Variants in CES5A observed in about 807,000 individuals in gnomAD.
CES5A encodes the protein carboxylesterase 5.
In CES5A, 67 loss-of-function variants were observed where a neutral mutation model predicts 62.9. That is an observed-to-expected ratio of 1.07 (90% CI 0.88 to 1.31). CES5A has a LOEUF of 1.31. CES5A is among the 50% of genes most tolerant of loss of function. The pLI, the probability that CES5A is intolerant of heterozygous loss-of-function variation, is 0.00. For synonymous variants in CES5A, 296 were observed against 280.8 expected (o/e 1.05, Z -0.54); for missense variants, 748 against 708.5 (o/e 1.06, Z -0.63).
At chr16:55,931,202 C>T (rs918454212) in intron 2 of CES5A, among the ~76,000 whole-genome samples, 1 of 152,222 alleles carries the variant, frequency 6.6e-6, no homozygotes, top group African/African-American at 2.4e-5. Flanking sequence ...AATGTCCAAA[C>T]TTCTCTACTG....
At chr16:55,954,529 A>T (rs1487862800) in intron 1 of CES5A, among the ~76,000 whole-genome samples, 1 of 152,182 alleles carries the variant, frequency 6.6e-6, no homozygotes, top group Non-Finnish European at 1.5e-5. Context: ...CACTTTTAAC[A>T]CAGTAACTTT....
chr16:55,907,383 G>A (rs1205260731), intron 1 of CES5A, among the ~76,000 whole-genome samples: 2 of 152,206 alleles, frequency 1.3e-5, no homozygotes, highest in Non-Finnish European at 2.9e-5. Flanking sequence ...CGTTCATGAA[G>A]CCACTGTATA....
chr16:55,920,257 A>T (rs1413273878), intron 1 of CES5A, among the ~76,000 whole-genome samples: 1 of 152,144 alleles, frequency 6.6e-6, no homozygotes, highest in Non-Finnish European at 1.5e-5. Context: ...CACTGTTTCT[A>T]CACTGCAAAA....
intron 1 of CES5A, among the ~76,000 whole-genome samples, chr16:55,904,271 C>G (rs1195132040): frequency 1.3e-5 from 2 of 152,216 alleles, no homozygotes; most frequent in Non-Finnish European, 2.9e-5. Flanking sequence ...GGGCCAAAGC[C>G]AAGGCTAGAA....
upstream of CES5A, among the ~76,000 whole-genome samples, chr16:55,878,846 CACT>C (rs1282753432): frequency 1.4e-5 from 2 of 146,520 alleles, no homozygotes; most frequent in Non-Finnish European, 3.0e-5. Context: ...GCACCCCCAC[CACT>C]ACCTCCATCA....
chr16:55,898,482 TA>T lies in CES5A; in HGVS notation c.-255-24446del, dbSNP rs1369620523. Among the ~76,000 whole-genome samples the T allele has an allele frequency of 2.0e-5, 3 of 152,098 alleles. No homozygotes were observed. The South Asian group carries it at 6.2e-4, about 32-fold the overall frequency. On this transcript the variant is annotated intron_variant, in intron 1 of 12. Coordinates refer to the CES5A transcript ENST00000518005. ...ATAATTGAAGTAAAATAAAAGCAAATAACCCCTGAAGAGACCTTTAAAAAGG... is the reference window on the plus strand; with the variant it reads ...ATAATTGAAGTAAAATAAAAGCAAATACCCCTGAAGAGACCTTTAAAAAGG...
In CES5A at chr16:55,846,639, GAT is replaced by G. The variant is rs768498192; in HGVS notation, c.1538_1539del (p.Asn513ThrfsTer3). On this transcript the variant is annotated frameshift_variant, in exon 13 of 13. Coordinates refer to ENST00000290567, the MANE Select transcript of CES5A (RefSeq NM_001143685.2). LOFTEE classifies it low-confidence loss of function (END_TRUNC). ...TCCAGCTGGAGGTACTGCTCAGTCA[GAT>G]TATAAGCTGGCCACAGAGACAGGTC... The part of the protein sequence containing the change: ...GNDLSLWPAY[N>X]LTEQYLQLDL... 7 of 1,614,150 alleles carry G rather than the reference GAT, an allele frequency of 4.3e-6. No individual in the cohort carries two copies. Among genetic ancestry groups the G allele is most frequent in the Non-Finnish European group, 5.9e-6 (7 of 1,180,012 alleles).
chr16:55,868,350 A>AT (rs2033508366), intron 4 of CES5A, among the ~76,000 whole-genome samples: 1 of 152,290 alleles, frequency 6.6e-6, no homozygotes, highest in African/African-American at 2.4e-5. Context: ...CTGCAAAAGT[A>AT]TTGCTTCATC....
rs1427493025 is a variant in CES5A, at chr16:55,875,369, A to G, written c.-148T>C. The G allele has an allele frequency of 3.5e-6, 5 of 1,440,078 alleles. No individual in the cohort carries two copies. The highest frequency in any genetic ancestry group is 2.9e-5 in the African/African-American group (2 of 69,684). 89.2% of individuals were successfully genotyped at this position (1,440,078 alleles called of 1,614,324 possible). A position where few individuals can be genotyped will look rare whatever the true frequency, so the allele number is the denominator to read the frequency against. On this transcript the variant is annotated 5_prime_UTR_variant, in exon 1 of 13. Transcript: ENST00000290567. Reference sequence around the variant, plus strand: ...AGAGTTACTGAAGATCAGCATCAGAACAATATTCTCAAAGGAATTGACTAA... The same window carrying G: ...AGAGTTACTGAAGATCAGCATCAGAGCAATATTCTCAAAGGAATTGACTAA...
intron 2 of CES5A, 28 bp from the exon 3 acceptor site, chr16:55,871,791 AGAAAAAGTTAT>A (rs2033594675): frequency 1.9e-6 from 3 of 1,610,708 alleles, no homozygotes; most frequent in Non-Finnish European, 2.5e-6. Flanking sequence ...GAAAACCCTC[AGAAAAAGTTAT>A]CAGCAAACTT....
chr16:55,933,347 A>C (rs1373123126), intron 2 of CES5A, among the ~76,000 whole-genome samples: 1 of 152,200 alleles, frequency 6.6e-6, no homozygotes, highest in Non-Finnish European at 1.5e-5. Flanking sequence ...TACCCTTTCG[A>C]GGTAGAAGTG....
At chr16:55,936,235 A>G (rs1166158341) in intron 2 of CES5A, among the ~76,000 whole-genome samples, 1 of 152,202 alleles carries the variant, frequency 6.6e-6, no homozygotes, top group Admixed American at 6.5e-5. Flanking sequence ...TCTACTTTCC[A>G]TGCCTCAAAG....
At position 55,871,554 on chromosome 16, in the gene CES5A, A is replaced by G. The variant is rs1419915950; in HGVS notation, c.417+71T>C. 5.1e-6 allele frequency: 8 copies of G among 1,568,364 alleles called. No homozygotes were observed. In the African/African-American group the frequency reaches 9.5e-5, roughly 19 times the overall value. On this transcript the variant is annotated intron_variant, in intron 3 of 12. Transcript: ENST00000290567. ...GGGGTAGTTCCAATTCCAGACATGT[A>G]GCTGCACTGCCTGGATCCCAGGCCA...
intron 9 of CES5A, among the ~76,000 whole-genome samples, chr16:55,854,403 G>A (rs1325120160): frequency 6.6e-6 from 1 of 151,734 alleles, no homozygotes. Context: ...ATCCACCTGA[G>A]AATTCCACTG....
chr16:55,884,299 G>A lies in CES5A; in HGVS notation c.-255-10262C>T, dbSNP rs139825409. Among the ~76,000 whole-genome samples the A allele has an allele frequency of 7.9e-5, 12 of 152,286 alleles. No individual in the cohort carries two copies. The East Asian group carries it at 2.3e-3, about 29-fold the overall frequency. Reference sequence around the variant, plus strand: ...TATCCTTTATCATGCATGTGAAGCAGCACCTCTGTCGACAGTCTGTCTGTG... The same window carrying A: ...TATCCTTTATCATGCATGTGAAGCAACACCTCTGTCGACAGTCTGTCTGTG... On this transcript the variant is annotated intron_variant, in intron 1 of 12. Coordinates refer to the CES5A transcript ENST00000518005.
At chr16:55,953,628 G>C (rs2034580255) in intron 1 of CES5A, among the ~76,000 whole-genome samples, 1 of 152,168 alleles carries the variant, frequency 6.6e-6, no homozygotes, top group African/African-American at 2.4e-5. Context: ...GTTAGGATGT[G>C]AAGGGAAACC....
At chr16:55,938,095 A>G (rs1423508608) in intron 2 of CES5A, among the ~76,000 whole-genome samples, 1 of 152,174 alleles carries the variant, frequency 6.6e-6, no homozygotes, top group Non-Finnish European at 1.5e-5. Context: ...GTCATCTCTA[A>G]GTTTCCAGAA....
At chr16:55,887,201 G>A (rs1239579732) in intron 1 of CES5A, among the ~76,000 whole-genome samples, 1 of 152,000 alleles carries the variant, frequency 6.6e-6, no homozygotes, top group African/African-American at 2.4e-5. Flanking sequence ...ATCACTTGCA[G>A]AATTTGTGTT....
intron 1 of CES5A, among the ~76,000 whole-genome samples, chr16:55,920,821 C>T (rs1190889375): frequency 6.6e-6 from 1 of 152,112 alleles, no homozygotes; most frequent in Non-Finnish European, 1.5e-5. Context: ...ATCTCTTTCA[C>T]CAAGAATTCA....
Sources: gnomAD v4.1 joint callset for allele counts (sites outside exome capture counted in the v4.1 genomes callset) on GRCh38, gnomAD v4.1.1 for gene constraint, MANE v1.5 for transcripts, NCBI Gene and HGNC (gene_info 2026-07-23, HGNC 2026-07-21) for gene names.